C5: variants seen among roughly 807,000 people sequenced by gnomAD.
C5 encodes the protein C3 and PZP-like alpha-2-macroglobulin domain-containing protein 4.
C5 carries 140 observed loss-of-function variants against 218.8 expected under a neutral mutation model. That is an observed-to-expected ratio of 0.64 (90% CI 0.56 to 0.74). The LOEUF is 0.74. C5 is among the 30% of genes least tolerant of loss of function. The probability of loss-of-function intolerance (pLI) is 0.00; values close to 1 mark genes in which losing one functional copy is unlikely to be tolerated. For missense variants in C5, 1,700 were observed against 1,969.6 expected (o/e 0.86, Z 2.59); for synonymous variants, 614 against 682.3 (o/e 0.90, Z 1.56).
chr9:121,004,572 G>A lies in C5; in HGVS notation c.2562+1347C>T, dbSNP rs1045449716. 2.0e-4 allele frequency among the ~76,000 whole-genome samples: 30 copies of A among 152,058 alleles called. 1 individual carries two copies. The highest frequency in any genetic ancestry group is 4.8e-5 in the African/African-American group (2 of 41,392). On this transcript the variant is annotated intron_variant, in intron 20 of 40. Coordinates refer to ENST00000223642, the MANE Select transcript of C5 (RefSeq NM_001735.3). ...GTGGGTCACTTGAGGTCAGGAGTTCGAGACCAGCCTGGCCAACATGGCGAA... is the reference window on the plus strand; with the variant it reads ...GTGGGTCACTTGAGGTCAGGAGTTCAAGACCAGCCTGGCCAACATGGCGAA...
intron 2 of C5, among the ~76,000 whole-genome samples, chr9:121,044,832 T>G (rs2047612634): frequency 6.6e-6 from 1 of 152,200 alleles, no homozygotes; most frequent in Non-Finnish European, 1.5e-5. Flanking sequence ...ATGTTGCTAG[T>G]GCAACTGAGA....
chr9:121,008,363 C>A, intron 18 of C5, 45 bp downstream of exon 18: 1 of 1,411,106 alleles, frequency 7.1e-7, no homozygotes, highest in Non-Finnish European at 1.0e-6. Flanking sequence ...ATAATACTTG[C>A]ATTATCCACA....
At chr9:121,018,582 GAA>G (rs2047330010) in intron 12 of C5, among the ~76,000 whole-genome samples, 1 of 12,038 alleles carries the variant, frequency 8.3e-5, no homozygotes, top group African/African-American at 1.7e-4. Flanking sequence ...AAAAAGAAAG[GAA>G]GGAAGGAAGG....
At chr9:121,040,831 T>C (rs2047571700) in intron 3 of C5, among the ~76,000 whole-genome samples, 1 of 152,212 alleles carries the variant, frequency 6.6e-6, no homozygotes. Flanking sequence ...CTCCAGAGTC[T>C]GCTTTTAACC....
Position 121,016,310 on chromosome 9 carries a change from T to A in C5, c.1940A>T (p.His647Leu), listed in dbSNP as rs748337770. 1 of 1,613,942 alleles carries A rather than the reference T, an allele frequency of 6.2e-7. No homozygotes were observed. The highest frequency in any genetic ancestry group is 2.2e-5 in the East Asian group (1 of 44,894). Residue 647 changes from histidine to leucine, a missense_variant, in exon 15 of 41, where the codon CAC becomes CTC. Physicochemically the swap from His to Leu is moderately conservative, Grantham distance 99. Transcript: ENST00000223642. ...GGGLNNANVF[H>L]LAGLTFLTNA... ...AGTGAGGAAGGTAAGTCCAGCTAGG[T>A]GGAACACATTGGCATTGTTGAGGCC... is the stretch of plus-strand genomic sequence containing the variant.
At chr9:121,030,037 T>C (rs1382640278) in intron 7 of C5, among the ~76,000 whole-genome samples, 1 of 152,134 alleles carries the variant, frequency 6.6e-6, no homozygotes, top group Admixed American at 6.5e-5. Context: ...GGTTTTGAAG[T>C]AGTTACGCAG....
chr9:121,046,174 A>G lies in C5; in HGVS notation c.258+17T>C, dbSNP rs1588001441. ...TTCTGTATATATATATAAAGAAAAT[A>G]AAGGATAAATACATACTGTTAAGAT... On this transcript the variant is annotated intron_variant, in intron 2 of 40. Transcript: ENST00000223642. 7.4e-7 allele frequency: 1 copy of G among 1,351,480 alleles called. No individual in the cohort carries two copies. Among genetic ancestry groups the G allele is most frequent in the Non-Finnish European group, 1.0e-6 (1 of 957,526 alleles). 83.7% of individuals were successfully genotyped at this position (1,351,480 alleles called of 1,614,324 possible). A position where few individuals can be genotyped will look rare whatever the true frequency, so the allele number is the denominator to read the frequency against.
At chr9:120,983,993 C>T (rs984549613) in intron 25 of C5, among the ~76,000 whole-genome samples, 9 of 152,158 alleles carry the variant, frequency 5.9e-5, no homozygotes, top group South Asian at 2.1e-4. Flanking sequence ...AGAATGTTTA[C>T]ATTATCCTGT....
intron 12 of C5, among the ~76,000 whole-genome samples, chr9:121,018,758 G>A (rs867136496): frequency 0.074 from 9,691 of 130,762 alleles, 528 homozygotes; most frequent in Non-Finnish European, 0.087. Flanking sequence ...AGGAAGGAAG[G>A]AAGGAAGGAA....
the C5 span, among the ~76,000 whole-genome samples, chr9:121,072,156 G>A: frequency 6.6e-6 from 1 of 152,132 alleles, no homozygotes; most frequent in South Asian, 2.1e-4. Flanking sequence ...AGGAAAAGGG[G>A]GCAACATGGG....
At chr9:121,005,858 T>C (rs944962022) in intron 20 of C5, 61 bp downstream of exon 20, 6 of 1,554,326 alleles carry the variant, frequency 3.9e-6, no homozygotes, top group African/African-American at 2.7e-5. Flanking sequence ...ATTCCACTAA[T>C]AGAATTCTCA....
At chr9:121,067,414 A>T in the C5 span, among the ~76,000 whole-genome samples, 4 of 151,866 alleles carry the variant, frequency 2.6e-5, no homozygotes, top group Admixed American at 2.6e-4. Context: ...TACAAAAAAA[A>T]TTAGCTGGGC....
In C5 at chr9:120,988,256, G is replaced by T. The variant is rs182451780; in HGVS notation, c.3230+790C>A. Among the ~76,000 whole-genome samples the T allele has an allele frequency of 4.9e-4, 74 of 152,144 alleles. 1 individual carries two copies. The highest frequency in any genetic ancestry group is 4.7e-4 in the Non-Finnish European group (32 of 68,038). ...GCACTAGGGATACTTAGAACTTCCCGCATGGAGCTTATATTCCAGTGGGGG... is the reference window on the plus strand; with the variant it reads ...GCACTAGGGATACTTAGAACTTCCCTCATGGAGCTTATATTCCAGTGGGGG... On this transcript the variant is annotated intron_variant, in intron 25 of 40. Coordinates refer to ENST00000223642, the MANE Select transcript of C5 (RefSeq NM_001735.3).
the C5 span, among the ~76,000 whole-genome samples, chr9:121,066,427 G>A: frequency 3.3e-5 from 5 of 150,812 alleles, no homozygotes; most frequent in Non-Finnish European, 5.9e-5. Flanking sequence ...CAAGCTAGTA[G>A]AGAACTAATA....
Position 120,952,913 on chromosome 9 carries a change from A to G in C5, c.4902-45T>C, listed in dbSNP as rs755933313. ...TTGTGAGGTGGCCACAAAACAGAAA[A>G]GCTGAATTTGATTTCTTTATTTTTT... On this transcript the variant is annotated intron_variant, in intron 40 of 40. Transcript: ENST00000223642. 1.9e-6 allele frequency: 3 copies of G among 1,607,106 alleles called. No individual in the cohort carries two copies. The African/African-American group carries it at 4.0e-5, about 22-fold the overall frequency.
chr9:121,062,458 T>C, the C5 span, among the ~76,000 whole-genome samples: 21 of 152,236 alleles, frequency 1.4e-4, no homozygotes, highest in Non-Finnish European at 2.2e-4. Context: ...ATAGGTTGCA[T>C]GCTCATGAAG....
chr9:121,037,562 C>T (rs1444817583), intron 4 of C5, among the ~76,000 whole-genome samples: 9 of 152,102 alleles, frequency 5.9e-5, no homozygotes, highest in Admixed American at 1.3e-4. Flanking sequence ...CCACCTGCCT[C>T]GGCCTCCCAA....
chr9:121,002,117 AGT>A (rs2047166084), intron 20 of C5, among the ~76,000 whole-genome samples: 1 of 148,934 alleles, frequency 6.7e-6, no homozygotes, highest in Non-Finnish European at 1.5e-5. Context: ...TTGCTGAGGC[AGT>A]GTGTGTATAT....
chr9:121,052,707 A>G (rs751632135), upstream of C5, among the ~76,000 whole-genome samples: 1 of 151,994 alleles, frequency 6.6e-6, no homozygotes, highest in Non-Finnish European at 1.5e-5. Flanking sequence ...TCAACATTCC[A>G]TTCTTCACTC....
Sources: allele counts gnomAD v4.1 joint callset (sites outside exome capture counted in the v4.1 genomes callset), GRCh38; gene constraint gnomAD v4.1.1; transcripts MANE v1.5; gene names NCBI Gene and HGNC (gene_info 2026-07-23, HGNC 2026-07-21).